Variants in ARHGAP32 observed in about 807,000 individuals in gnomAD.
ARHGAP32 encodes the protein rho GTPase-activating protein 32.
Under a neutral mutation model 186.5 loss-of-function variants are expected in ARHGAP32, and 51 were observed. The ratio of observed to expected loss-of-function variants is 0.27; its 90% CI spans 0.22 to 0.35. The LOEUF is 0.35. Ranked by LOEUF, ARHGAP32 falls within the 10% of genes least tolerant of loss-of-function variation. The pLI is 1.00. For missense variants in ARHGAP32, 2,186 were observed against 2,623.5 expected (o/e 0.83, Z 3.64); for synonymous variants, 950 against 964.3 (o/e 0.99, Z 0.27).
chr11:129,173,797 A>C (rs1943828392), intron 1 of ARHGAP32, among the ~76,000 whole-genome samples: 1 of 152,242 alleles, frequency 6.6e-6, no homozygotes, highest in African/African-American at 2.4e-5. Context: ...ATCACACTTA[A>C]CATTGAAATA....
intron 1 of ARHGAP32, 41 bp from the exon 2 acceptor site, chr11:129,164,468 A>C (rs1943593105): frequency 2.6e-6 from 3 of 1,171,988 alleles, no homozygotes; most frequent in Non-Finnish European, 3.6e-6. Flanking sequence ...AGAATTTCCA[A>C]TTCTATGAAA....
intron 3 of ARHGAP32, among the ~76,000 whole-genome samples, chr11:129,124,287 C>A (rs540044): frequency 6.6e-6 from 1 of 151,930 alleles, no homozygotes; most frequent in Admixed American, 6.6e-5. Flanking sequence ...TGAACACTCA[C>A]GTAAGGTCAG....
intron 6 of ARHGAP32, among the ~76,000 whole-genome samples, chr11:129,076,535 T>C (rs1399312516): frequency 1.3e-5 from 2 of 151,920 alleles, no homozygotes; most frequent in African/African-American, 2.4e-5. Flanking sequence ...AGTTGAAAAA[T>C]ACCAAAAAAT....
At chr11:129,150,740 C>G (rs952999709) in intron 2 of ARHGAP32, among the ~76,000 whole-genome samples, 4 of 152,074 alleles carry the variant, frequency 2.6e-5, no homozygotes, top group African/African-American at 9.7e-5. Context: ...AAACAAAACA[C>G]TGAAAGACAC....
chr11:129,133,835 C>T (rs1942874692), intron 2 of ARHGAP32, among the ~76,000 whole-genome samples: 1 of 152,162 alleles, frequency 6.6e-6, no homozygotes, highest in Admixed American at 6.5e-5. Context: ...GAGAGAACAA[C>T]AGAAATGGTG....
intron 11 of ARHGAP32, among the ~76,000 whole-genome samples, chr11:129,020,751 C>A (rs1456345304): frequency 6.6e-6 from 1 of 152,050 alleles, no homozygotes; most frequent in African/African-American, 2.4e-5. Flanking sequence ...CCTTGGGCTT[C>A]ATTCCCCACT....
Position 129,029,807 on chromosome 11 carries a change from A to AAAG in ARHGAP32, c.1045+11120_1045+11121insCTT, listed in dbSNP as rs1414653146. Among the ~76,000 whole-genome samples, 7 of 149,064 alleles carry AAAG rather than the reference A, an allele frequency of 4.7e-5. 2 individuals carry two copies. The highest frequency in any genetic ancestry group is 1.0e-4 in the Non-Finnish European group (7 of 67,152). On this transcript the variant is annotated intron_variant, in intron 11 of 22. Coordinates refer to ENST00000682385, the MANE Select transcript of ARHGAP32 (RefSeq NM_001378024.1). Reference sequence around the variant, plus strand: ...ACAGAGGGAGACTCCGTCTCAAAAAAAAAAAAAAAAAAAAAAAAACGGGTA... The same window carrying AAAG: ...ACAGAGGGAGACTCCGTCTCAAAAAAAAGAAAAAAAAAAAAAAAAAAACGGGTA...
chr11:129,062,161 C>G, intron 10 of ARHGAP32, 119 bp downstream of exon 10: 4 of 762,866 alleles, frequency 5.2e-6, no homozygotes, highest in Non-Finnish European at 9.0e-6. Context: ...CATTTTCTAT[C>G]GTTGCAGACA....
chr11:129,069,684 G>C (rs1191696552), intron 6 of ARHGAP32, among the ~76,000 whole-genome samples: 2 of 151,920 alleles, frequency 1.3e-5, no homozygotes, highest in African/African-American at 4.8e-5. Context: ...AGCATGCCCT[G>C]GTGATCATTC....
At chr11:129,084,698 T>A (rs1245272343) in intron 6 of ARHGAP32, among the ~76,000 whole-genome samples, 1 of 152,146 alleles carries the variant, frequency 6.6e-6, no homozygotes, top group Admixed American at 6.5e-5. Flanking sequence ...ACAGCTAACA[T>A]CATACTTAAT....
upstream of ARHGAP32, among the ~76,000 whole-genome samples, chr11:129,194,546 G>A (rs1320747656): frequency 1.3e-5 from 2 of 152,150 alleles, no homozygotes; most frequent in African/African-American, 4.8e-5. Flanking sequence ...TGTTTTCAAT[G>A]AGGAGTTAGG....
In ARHGAP32 at chr11:128,969,221, C is replaced by T. The variant is rs1264285261; in HGVS notation, c.5992G>A (p.Glu1998Lys). ...TGGAGTTTGAGGCTATGACTCCTCTCTGGTTTAGGGGGTGGGACGATTGAC... is the reference window on the plus strand; with the variant it reads ...TGGAGTTTGAGGCTATGACTCCTCTTTGGTTTAGGGGGTGGGACGATTGAC... ...TQSIVPPPKP[E>K]RSHSLKLHHT... The change falls in exon 23 of 23, where the codon GAG becomes AAG. Residue 1998 changes from glutamate (E) to lysine (K), a missense_variant. Physicochemically the swap from Glu to Lys is moderately conservative, Grantham distance 56. This residue lies in a region of ARHGAP32 where 1,502 missense variants were observed against 1,570.0 expected (regional missense o/e 0.96). Coordinates refer to ENST00000682385, the MANE Select transcript of ARHGAP32 (RefSeq NM_001378024.1). This position sits in a 1 kb window ranked among gnomAD's most constrained non-coding sequence, Gnocchi z 4.8. The T allele has an allele frequency of 6.2e-7, 1 of 1,614,044 alleles. No individual in the cohort carries two copies. Among genetic ancestry groups the T allele is most frequent in the Non-Finnish European group, 8.5e-7 (1 of 1,179,948 alleles).
intron 5 of ARHGAP32, among the ~76,000 whole-genome samples, chr11:129,113,784 T>C (rs1336196314): frequency 6.6e-6 from 1 of 152,144 alleles, no homozygotes; most frequent in African/African-American, 2.4e-5. Context: ...CCCTGAAATA[T>C]GGTGCTTAGT....
intron 11 of ARHGAP32, among the ~76,000 whole-genome samples, chr11:129,020,970 C>T (rs1046420918): frequency 6.6e-6 from 1 of 151,932 alleles, no homozygotes; most frequent in African/African-American, 2.4e-5. Context: ...CTATCTGGGA[C>T]CGGATCAGGA....
At chr11:129,230,863 G>A (rs558246120) in intron 1 of ARHGAP32, among the ~76,000 whole-genome samples, 25 of 152,196 alleles carry the variant, frequency 1.6e-4, no homozygotes, top group African/African-American at 5.1e-4. Context: ...GGCCAGGCAC[G>A]GTGGCTCACA....
chr11:128,983,909 A>T (rs553368610), intron 15 of ARHGAP32, among the ~76,000 whole-genome samples: 1 of 152,248 alleles, frequency 6.6e-6, no homozygotes, highest in South Asian at 2.1e-4. Context: ...AGCAGATGAG[A>T]GTGTGAATTG....
Position 128,969,462 on chromosome 11 carries a change from C to G in ARHGAP32, c.5751G>C (p.Gln1917His), listed in dbSNP as rs771717145. Reference sequence around the variant, plus strand: ...GAATCCCTTTGGACCCATAATCTAACTGGCCAGCTCCCTGGGGATAAGGGG... The same window carrying G: ...GAATCCCTTTGGACCCATAATCTAAGTGGCCAGCTCCCTGGGGATAAGGGG... ...NGPPYPQGAGQLDYGSKGIPD... is the reference protein window; with the variant it reads ...NGPPYPQGAGHLDYGSKGIPD... Residue 1917 changes from glutamine (Q) to histidine (H), a missense_variant, in exon 23 of 23, where the codon CAG becomes CAC. Coordinates refer to ENST00000682385, the MANE Select transcript of ARHGAP32 (RefSeq NM_001378024.1). The surrounding 1 kb of genome is among the most constrained non-coding windows in gnomAD (Gnocchi z 4.8). 4 of 1,614,220 alleles carry G rather than the reference C, an allele frequency of 2.5e-6. No individual in the cohort carries two copies. The highest frequency in any genetic ancestry group is 3.4e-6 in the Non-Finnish European group (4 of 1,180,032).
Position 128,974,265 on chromosome 11 carries a change from T to C in ARHGAP32, c.2932A>G (p.Thr978Ala), listed in dbSNP as rs147529912. 1 of 1,614,210 alleles carries C rather than the reference T, an allele frequency of 6.2e-7. No homozygotes were observed. Among genetic ancestry groups the C allele is most frequent in the East Asian group, 2.2e-5 (1 of 44,888 alleles). ...TQIVKMKTNE[T>A]VAQEAYESEV... is the part of the protein sequence containing the mutation. ...GATTCATATGCTTCTTGGGCAACTG[T>C]CTCATTTGTTTTCATCTTTACTATC... The change falls in exon 21 of 23, where the codon ACA (threonine) becomes GCA (alanine). Residue 978 changes from threonine (T) to alanine (A), a missense_variant. By Grantham distance (58) the Thr-to-Ala change is moderately conservative. Transcript: ENST00000682385.
At chr11:129,279,631 A>T (rs1474163302), upstream of ARHGAP32, among the ~76,000 whole-genome samples, 1 of 144,220 alleles carries the variant, frequency 6.9e-6, no homozygotes, top group Non-Finnish European at 1.5e-5. Flanking sequence ...CGGGGAGAAG[A>T]GGCGCGCCGC....
Sources: allele counts gnomAD v4.1 joint callset (sites outside exome capture counted in the v4.1 genomes callset), GRCh38; gene constraint gnomAD v4.1.1; regional missense constraint gnomAD v4.1.1; non-coding constraint Gnocchi (gnomAD v3.1); transcripts MANE v1.5; gene names NCBI Gene and HGNC (gene_info 2026-07-23, HGNC 2026-07-21).